NR5A2: variants seen among roughly 807,000 people sequenced by gnomAD.
NR5A2 encodes CYP7A promoter-binding factor.
Under a neutral mutation model 62.7 loss-of-function variants are expected in NR5A2, and 26 were observed. That is an observed-to-expected ratio of 0.41 (90% CI 0.30 to 0.58). The LOEUF (loss-of-function observed/expected upper bound fraction) is 0.58. Among genes scored for constraint, NR5A2 ranks in the 20% least tolerant of loss-of-function variants. The probability of loss-of-function intolerance (pLI) is 0.22; values close to 1 mark genes in which losing one functional copy is unlikely to be tolerated. For synonymous variants in NR5A2, 246 were observed against 241.7 expected (o/e 1.02, Z -0.16); for missense variants, 541 against 669.1 (o/e 0.81, Z 2.11).
intron 6 of NR5A2, among the ~76,000 whole-genome samples, chr1:200,114,958 T>G (rs1666147620): frequency 6.6e-6 from 1 of 152,214 alleles, no homozygotes; most frequent in South Asian, 2.1e-4. Context: ...CATGTGTAAT[T>G]CCAGTGCATG....
Position 200,027,765 on chromosome 1 carries a change from C to T in NR5A2, c.-83C>T, listed in dbSNP as rs1401720427. On this transcript the variant is annotated 5_prime_UTR_variant, in exon 1 of 8. Transcript: ENST00000367362. ...GTAGTCTGATGTGTCCTTCCCAAGG[C>T]CACGAAATTTGACAAGCTGCACTTT... 6.2e-6 allele frequency: 6 copies of T among 971,202 alleles called. No individual in the cohort carries two copies. Among genetic ancestry groups the T allele is most frequent in the Non-Finnish European group, 9.5e-6 (6 of 631,822 alleles). The allele number at this position is 971,202 out of a possible 1,614,324, so 60.2% of individuals were successfully genotyped here.
At chr1:200,161,651 T>C (rs1285762607) in intron 7 of NR5A2, among the ~76,000 whole-genome samples, 1 of 152,172 alleles carries the variant, frequency 6.6e-6, no homozygotes, top group Non-Finnish European at 1.5e-5. Context: ...TGAATCAAAT[T>C]ACACTTTTTC....
intron 1 of NR5A2, chr1:200,038,854 G>A: frequency 1.1e-6 from 1 of 920,140 alleles, no homozygotes; most frequent in South Asian, 1.6e-5. Flanking sequence ...AGAGGTTGGG[G>A]CAGGCCGGGG....
intron 5 of NR5A2, among the ~76,000 whole-genome samples, chr1:200,100,339 TGG>T (rs1184043352): frequency 1.8e-4 from 28 of 152,064 alleles, no homozygotes; most frequent in African/African-American, 6.3e-4. Flanking sequence ...TTTATTTATT[TGG>T]ATTTCAGTTT....
chr1:200,028,425 C>CAA (rs67706127), intron 1 of NR5A2, among the ~76,000 whole-genome samples: 6,102 of 83,512 alleles, frequency 0.073, 551 homozygotes, highest in African/African-American at 0.19. Context: ...CCCCCACCTC[C>CAA]AAAAAAAAAA....
Position 200,174,265 on chromosome 1 carries a change from GA to G in NR5A2, c.*56del. 6.8e-7 allele frequency: 1 copy of G among 1,460,360 alleles called. No individual in the cohort carries two copies. The highest frequency in any genetic ancestry group is 9.0e-7 in the Non-Finnish European group (1 of 1,105,316). The allele number at this position is 1,460,360 out of a possible 1,614,324, so 90.5% of individuals were successfully genotyped here. Reference sequence around the variant, plus strand: ...AACAAAAAGAGATTGGGGGAGTGGGGAGGGGGAAGAAGAACAGGAAGAAAAA... The same window carrying G: ...AACAAAAAGAGATTGGGGGAGTGGGGGGGGGAAGAAGAACAGGAAGAAAAA... On this transcript the variant is annotated 3_prime_UTR_variant, in exon 8 of 8. Transcript: ENST00000367362.
intron 5 of NR5A2, among the ~76,000 whole-genome samples, chr1:200,051,136 C>G (rs936266611): frequency 6.6e-6 from 1 of 151,874 alleles, no homozygotes; most frequent in Non-Finnish European, 1.5e-5. Context: ...GTAAAAACAA[C>G]GTTGAATAAA....
chr1:200,043,604 G>T (rs1018292732), intron 2 of NR5A2, among the ~76,000 whole-genome samples, 170 bp from the exon 3 acceptor site: 1 of 152,186 alleles, frequency 6.6e-6, no homozygotes, highest in African/African-American at 2.4e-5. Flanking sequence ...GATGACAAAA[G>T]ATGTTTTACT....
At position 200,102,164 on chromosome 1, in the gene NR5A2, A is replaced by G. The variant is rs189680307; in HGVS notation, c.1111-9038A>G. 1.2e-4 allele frequency among the ~76,000 whole-genome samples: 19 copies of G among 152,322 alleles called. No individual in the cohort carries two copies. The East Asian group carries it at 3.7e-3, about 29-fold the overall frequency. On this transcript the variant is annotated intron_variant, in intron 5 of 7. Transcript: ENST00000367362. ...TATATCGTGTATACCATGCGGATGG[A>G]TGTTCTGGATGAATGAAACTTAACT...
At chr1:200,111,433 G>A (rs1665953092) in intron 6 of NR5A2, 112 bp downstream of exon 6, 1 of 1,185,762 alleles carries the variant, frequency 8.4e-7, no homozygotes, top group Non-Finnish European at 1.2e-6. Context: ...GGGAGAGATT[G>A]GCTGCCAATA....
chr1:200,154,347 C>A (rs917769347), intron 7 of NR5A2, among the ~76,000 whole-genome samples: 1 of 152,232 alleles, frequency 6.6e-6, no homozygotes, highest in African/African-American at 2.4e-5. Context: ...TTGACATCCT[C>A]TCTTAACTGC....
At chr1:200,123,637 G>A (rs1402186173) in intron 7 of NR5A2, among the ~76,000 whole-genome samples, 3 of 152,180 alleles carry the variant, frequency 2.0e-5, no homozygotes, top group Admixed American at 1.3e-4. Context: ...CGGGGATGCG[G>A]TGAATAACTT....
chr1:200,107,595 G>A (rs1487234011), intron 5 of NR5A2, among the ~76,000 whole-genome samples: 1 of 152,206 alleles, frequency 6.6e-6, no homozygotes, highest in African/African-American at 2.4e-5. Flanking sequence ...ATTTTGAAGT[G>A]TGTCCTCAGC....
chr1:200,169,137 A>T (rs1005245484), intron 7 of NR5A2, among the ~76,000 whole-genome samples: 14 of 152,148 alleles, frequency 9.2e-5, no homozygotes, highest in African/African-American at 3.4e-4. Flanking sequence ...CAAGCCCAGG[A>T]GTTCAAGGCT....
intron 5 of NR5A2, among the ~76,000 whole-genome samples, chr1:200,074,607 G>GA (rs1663922426): frequency 6.6e-6 from 1 of 150,906 alleles, no homozygotes; most frequent in Non-Finnish European, 1.5e-5. Context: ...TTTGGTGGCG[G>GA]GTGCCTGTAG....
intron 7 of NR5A2, among the ~76,000 whole-genome samples, chr1:200,131,118 T>G (rs758777081): frequency 2.6e-5 from 4 of 152,250 alleles, no homozygotes; most frequent in Non-Finnish European, 5.9e-5. Flanking sequence ...AAGGATTGAT[T>G]AGCATTCAAG....
intron 5 of NR5A2, among the ~76,000 whole-genome samples, chr1:200,103,678 G>A (rs1398649422): frequency 2.0e-5 from 3 of 152,162 alleles, no homozygotes; most frequent in African/African-American, 2.4e-5. Flanking sequence ...CGGGTTGCTC[G>A]CAGTCTGAGG....
At chr1:200,151,484 C>T (rs928341888) in intron 7 of NR5A2, among the ~76,000 whole-genome samples, 2 of 152,122 alleles carry the variant, frequency 1.3e-5, no homozygotes, top group African/African-American at 4.8e-5. Flanking sequence ...AGTAAAGAGC[C>T]CCCCGCTGCA....
chr1:200,085,982 G>A (rs190021772), intron 5 of NR5A2, among the ~76,000 whole-genome samples: 314 of 152,182 alleles, frequency 2.1e-3, no homozygotes, highest in Non-Finnish European at 3.1e-3. Flanking sequence ...TTTTCTTTGC[G>A]CCTAATGTAA....
Sources: gnomAD v4.1 joint callset for allele counts (sites outside exome capture counted in the v4.1 genomes callset) on GRCh38, gnomAD v4.1.1 for gene constraint, MANE v1.5 for transcripts, NCBI Gene and HGNC (gene_info 2026-07-23, HGNC 2026-07-21) for gene names.